The following OSBPL7 variants were observed in gnomAD, a reference collection of about 807,000 sequenced individuals.
The protein encoded by OSBPL7 is oxysterol-binding protein-related protein 7.
A neutral mutation model predicts 115.8 loss-of-function variants in OSBPL7; 66 were observed. The ratio of observed to expected loss-of-function variants is 0.57; its 90% confidence interval spans 0.47 to 0.70. OSBPL7 has a LOEUF of 0.70. Among genes scored for constraint, OSBPL7 ranks in the 30% least tolerant of loss-of-function variants. The probability of loss-of-function intolerance (pLI) is 0.00; values close to 1 mark genes in which losing one functional copy is unlikely to be tolerated. For missense variants in OSBPL7, 902 were observed against 1,125.5 expected (o/e 0.80, Z 2.84); for synonymous variants, 441 against 439.2 (o/e 1.00, Z -0.05).
At chr17:47,815,065 C>T in intron 13 of OSBPL7, 150 bp downstream of exon 13, 2 of 1,098,866 alleles carry the variant, frequency 1.8e-6, no homozygotes, top group South Asian at 1.6e-5. Flanking sequence ...AGCTGGGCCA[C>T]ACAAACTCAG....
intron 16 of OSBPL7, 79 bp downstream of exon 16, chr17:47,813,187 G>A: frequency 6.4e-7 from 1 of 1,573,168 alleles, no homozygotes; most frequent in Non-Finnish European, 8.6e-7. Flanking sequence ...TGGTCCCTCT[G>A]CCCCAGTTCT....
Position 47,814,484 on chromosome 17 carries a change from CCTCCCACCCCTCCCTGCCTG to C in OSBPL7, c.1351+17_1351+36del. On this transcript the variant is annotated intron_variant, in intron 14 of 22. Transcript: ENST00000007414. ...TGGACAAACCCTGTTTTTCCACCCGCCTCCCACCCCTCCCTGCCTGCCCACCCAGCTGGCACCTTTCTGAC... is the reference window on the plus strand; with the variant it reads ...TGGACAAACCCTGTTTTTCCACCCGCCCCACCCAGCTGGCACCTTTCTGAC... The C allele has an allele frequency of 9.7e-7, 1 of 1,030,698 alleles. No individual in the cohort carries two copies. The highest frequency in any genetic ancestry group is 1.5e-6 in the Non-Finnish European group (1 of 660,670). The allele number at this position is 1,030,698 out of a possible 1,614,324, so 63.8% of individuals were successfully genotyped here. A position where few individuals can be genotyped will look rare whatever the true frequency, so the allele number is the denominator to read the frequency against.
intron 4 of OSBPL7, chr17:47,819,431 G>C: frequency 1.8e-6 from 1 of 570,490 alleles, no homozygotes; most frequent in Non-Finnish European, 3.1e-6. Flanking sequence ...CCTGAGAATG[G>C]GACCAGGATG....
In OSBPL7 at chr17:47,816,576, G is replaced by A; in HGVS notation, c.915C>T (p.Ala305=). 6.2e-7 allele frequency: 1 copy of A among 1,612,232 alleles called. No individual in the cohort carries two copies. The highest frequency in any genetic ancestry group is 8.5e-7 in the Non-Finnish European group (1 of 1,179,274). ...DYAHLQRSFW[A]LAQKVHSSLS... ...GCAGGCACTTACCCTTCTGGGCCAG[G>A]GCCCAGAAGCTGCGCTGCAGGTGGG... The change falls in exon 10 of 23, where the codon GCC becomes GCT. Residue 305 remains alanine (A), a synonymous_variant. Transcript: ENST00000007414. This position sits in a 1 kb window ranked among gnomAD's most constrained non-coding sequence, Gnocchi z 5.8.
At chr17:47,815,926 C>A in intron 12 of OSBPL7, 181 bp downstream of exon 12, 1 of 559,698 alleles carries the variant, frequency 1.8e-6, no homozygotes, top group Non-Finnish European at 3.2e-6. Context: ...GTACCCTGCA[C>A]GTTGTTACAC....
chr17:47,813,591 C>A lies in OSBPL7; in HGVS notation c.1595G>T (p.Arg532Leu). 1 of 1,609,162 alleles carries A rather than the reference C, an allele frequency of 6.2e-7. No homozygotes were observed. Among genetic ancestry groups the A allele is most frequent in the Non-Finnish European group, 8.5e-7 (1 of 1,177,428 alleles). ...GTGAGGACAGGAAGCAGGTACCATG[C>A]GCTCGCAGGGGTCGGCGATGCGGCT... ...QASRIADPCE[R>L]MVYIAAFAVS... The change falls in exon 15 of 23, where the codon CGC (arginine) becomes CTC (leucine). Residue 532 changes from arginine (R) to leucine (L), a missense_variant. This residue lies in a region of OSBPL7 where 667 missense variants were observed against 788.7 expected (regional missense o/e 0.85). Coordinates refer to ENST00000007414, the MANE Select transcript of OSBPL7 (RefSeq NM_145798.3).
At chr17:47,815,811 A>G in intron 12 of OSBPL7, 1 of 354,870 alleles carries the variant, frequency 2.8e-6, no homozygotes, top group Non-Finnish European at 5.1e-6. Flanking sequence ...CAGCCCGTCT[A>G]TAATTGCAGG....
At position 47,813,364 on chromosome 17, in the gene OSBPL7, TGGA is replaced by T; in HGVS notation, c.1636_1638del (p.Ser546del). 6.2e-7 allele frequency: 1 copy of T among 1,613,832 alleles called. No individual in the cohort carries two copies. Among genetic ancestry groups the T allele is most frequent in the South Asian group, 1.1e-5 (1 of 91,066 alleles). ...GGCTTGCAGCCGGCTCGGTGGTATG[TGGA>T]GGAGTAGGCCGAGACAGCAAAGGCT... is the stretch of plus-strand genomic sequence containing the variant. On this transcript the variant is annotated inframe_deletion, in exon 16 of 23. Coordinates refer to ENST00000007414, the MANE Select transcript of OSBPL7 (RefSeq NM_145798.3).
At chr17:47,818,687 G>A (rs62076126) in intron 5 of OSBPL7, 71 bp from the exon 6 acceptor site, 436,763 of 1,285,506 alleles carry the variant, frequency 0.34, 81,868 homozygotes, top group Non-Finnish European at 0.39. Context: ...AGAAGTCAGG[G>A]CTCTGGTCCC....
intron 18 of OSBPL7, 121 bp from the exon 19 acceptor site, chr17:47,809,599 T>C: frequency 8.7e-7 from 1 of 1,143,252 alleles, no homozygotes; most frequent in South Asian, 1.5e-5. Context: ...GGGTCCCAAC[T>C]CCAGTTCTGC....
intron 14 of OSBPL7, 76 bp downstream of exon 14, chr17:47,814,445 A>T: frequency 1.4e-6 from 2 of 1,403,808 alleles, no homozygotes; most frequent in East Asian, 2.3e-5. Context: ...TGGCCTTTGC[A>T]TGGGCCTGGG....
At chr17:47,818,408 AG>A (rs759400594) in intron 6 of OSBPL7, 22 bp from the exon 7 acceptor site, 4 of 1,607,822 alleles carry the variant, frequency 2.5e-6, no homozygotes, top group Non-Finnish European at 3.4e-6. Flanking sequence ...GCCCAGGGTC[AG>A]GAAGGATGAT....
At position 47,815,255 on chromosome 17, in the gene OSBPL7, G is replaced by A; in HGVS notation, c.1217C>T (p.Ala406Val). ...GCTGGCGGAGAGGAGAACCTCGCAG[G>A]CATCGAAGAACTCCGTGTGGGAATC... is the stretch of plus-strand genomic sequence containing the variant. Reference protein sequence around the residue: ...LADSHTEFFDACEVLLSASSS... With the variant: ...LADSHTEFFDVCEVLLSASSS... Residue 406 changes from alanine (A) to valine (V), a missense_variant, in exon 13 of 23, where the codon GCC (alanine) becomes GTC (valine). Transcript: ENST00000007414. 4 of 1,613,896 alleles carry A rather than the reference G, an allele frequency of 2.5e-6. No homozygotes were observed. The highest frequency in any genetic ancestry group is 3.4e-6 in the Non-Finnish European group (4 of 1,179,956).
Position 47,809,146 on chromosome 17 carries a change from T to TC in OSBPL7, c.2099dup (p.Leu701ThrfsTer31). On this transcript the variant is annotated frameshift_variant, in exon 20 of 23. Transcript: ENST00000007414. LOFTEE classifies it high-confidence loss of function. ...GCCCCTCGTGCCACTTCCCAAAGAGTCGGTGGAGGACACGGCCACTCCGAC... is the reference window on the plus strand; with the variant it reads ...GCCCCTCGTGCCACTTCCCAAAGAGTCCGGTGGAGGACACGGCCACTCCGAC... The TC allele has an allele frequency of 6.2e-7, 1 of 1,613,046 alleles. No individual in the cohort carries two copies. The highest frequency in any genetic ancestry group is 8.5e-7 in the Non-Finnish European group (1 of 1,179,784).
At chr17:47,811,357 G>A (rs946195462) in intron 16 of OSBPL7, among the ~76,000 whole-genome samples, 10 of 152,022 alleles carry the variant, frequency 6.6e-5, no homozygotes, top group Non-Finnish European at 1.2e-4. Context: ...GTTCCCTGTC[G>A]CCCACAGCTC....
chr17:47,809,666 G>A (rs567411842), intron 18 of OSBPL7, among the ~76,000 whole-genome samples, 188 bp from the exon 19 acceptor site: 4 of 152,258 alleles, frequency 2.6e-5, no homozygotes, highest in South Asian at 4.2e-4. Flanking sequence ...CGTATTCAAC[G>A]AAAACATCTC....
At chr17:47,819,681 A>T in intron 4 of OSBPL7, 48 bp downstream of exon 4, 1 of 1,609,540 alleles carries the variant, frequency 6.2e-7, no homozygotes, top group African/African-American at 1.3e-5. Context: ...CCCAGGGCAT[A>T]CTGGGGCCAG....
In OSBPL7 at chr17:47,808,502, T is replaced by C. The variant is rs1567937470; in HGVS notation, c.2420+36A>G. ...CCTGCCCTGCTCCAAGCAGGGCTCA[T>C]GGGGAGACCCAGGGCGGAGGGCGAG... is the stretch of plus-strand genomic sequence containing the variant. On this transcript the variant is annotated intron_variant, in intron 22 of 22. Transcript: ENST00000007414. This position sits in a 1 kb window ranked among gnomAD's most constrained non-coding sequence, Gnocchi z 6.1. The C allele has an allele frequency of 6.2e-7, 1 of 1,614,094 alleles. No homozygotes were observed. The highest frequency in any genetic ancestry group is 1.7e-5 in the Admixed American group (1 of 60,016).
intron 5 of OSBPL7, 31 bp downstream of exon 5, chr17:47,818,955 C>T (rs1422547397): frequency 4.4e-6 from 7 of 1,583,452 alleles, no homozygotes; most frequent in Non-Finnish European, 6.1e-6. Flanking sequence ...GGTTGGGGGC[C>T]AACACACGTC....
Sources: gnomAD v4.1 joint callset for allele counts (sites outside exome capture counted in the v4.1 genomes callset) on GRCh38, gnomAD v4.1.1 for gene constraint, gnomAD v4.1.1 regional missense constraint, Gnocchi (gnomAD v3.1) non-coding constraint, MANE v1.5 for transcripts, NCBI Gene and HGNC (gene_info 2026-07-23, HGNC 2026-07-21) for gene names.